The following PTPN11 variants were observed in gnomAD, a reference collection of about 807,000 sequenced individuals.
PTPN11 encodes protein tyrosine phosphatase non-receptor type 11.
Under a neutral mutation model 78.8 loss-of-function variants are expected in PTPN11, and 6 were observed. That is an observed-to-expected ratio of 0.08 (90% CI 0.04 to 0.15). PTPN11 has a LOEUF of 0.15. Ranked by LOEUF, PTPN11 falls within the 10% of genes least tolerant of loss-of-function variation. PTPN11 has a pLI of 1.00. For missense variants in PTPN11, 386 were observed against 744.8 expected (o/e 0.52, Z 5.61); for synonymous variants, 221 against 263.5 (o/e 0.84, Z 1.56).
intron 6 of PTPN11, among the ~76,000 whole-genome samples, chr12:112,468,079 C>T (rs2038357658): frequency 6.6e-6 from 1 of 152,178 alleles, no homozygotes; most frequent in South Asian, 2.1e-4. Flanking sequence ...CAGTTTGGTG[C>T]AAACCCTTTG....
intron 6 of PTPN11, among the ~76,000 whole-genome samples, chr12:112,466,627 C>G (rs933472017): frequency 3.3e-5 from 5 of 152,152 alleles, no homozygotes; most frequent in African/African-American, 1.2e-4. Context: ...GCTAGGATTA[C>G]AGGTGTGAGC....
chr12:112,427,076 T>C (rs2037628429), intron 1 of PTPN11, among the ~76,000 whole-genome samples: 1 of 152,002 alleles, frequency 6.6e-6, no homozygotes, highest in African/African-American at 2.4e-5. Flanking sequence ...TGAAACCCTG[T>C]CTCTACAGAA....
chr12:112,502,010 A>T, intron 13 of PTPN11, 134 bp from the exon 14 acceptor site: 1 of 703,692 alleles, frequency 1.4e-6, no homozygotes. Flanking sequence ...TCAATGTATC[A>T]GTATTCTCAA....
chr12:112,450,827 G>A (rs1475231526), intron 3 of PTPN11, among the ~76,000 whole-genome samples: 1 of 152,152 alleles, frequency 6.6e-6, no homozygotes, highest in Non-Finnish European at 1.5e-5. Context: ...AGAGTTATTA[G>A]AGGAAAACAA....
intron 10 of PTPN11, among the ~76,000 whole-genome samples, chr12:112,485,645 G>A (rs1024943944): frequency 6.6e-6 from 1 of 152,170 alleles, no homozygotes; most frequent in Admixed American, 6.5e-5. Context: ...AGCAAAGCCT[G>A]TTTTCTTATC....
intron 2 of PTPN11, 116 bp from the exon 3 acceptor site, chr12:112,450,202 G>C (rs1234114872): frequency 1.1e-6 from 1 of 930,452 alleles, no homozygotes; most frequent in Admixed American, 1.9e-5. Flanking sequence ...AGGTAAATTC[G>C]TTCCTTGGGT....
At chr12:112,476,540 G>A (rs1251384116) in intron 7 of PTPN11, among the ~76,000 whole-genome samples, 1 of 152,068 alleles carries the variant, frequency 6.6e-6, no homozygotes, top group Non-Finnish European at 1.5e-5. Flanking sequence ...AGGCTGAGGT[G>A]GGCAGATCAC....
At chr12:112,433,420 T>C (rs1289776723) in intron 1 of PTPN11, among the ~76,000 whole-genome samples, 1 of 152,224 alleles carries the variant, frequency 6.6e-6, no homozygotes, top group African/African-American at 2.4e-5. Flanking sequence ...GATGCATTTC[T>C]CAGAACATAT....
chr12:112,500,510 A>G lies in PTPN11; in HGVS notation c.1600-1634A>G, dbSNP rs374315636. Among the ~76,000 whole-genome samples the G allele has an allele frequency of 7.2e-5, 11 of 152,340 alleles. No homozygotes were observed. In the East Asian group the frequency reaches 1.2e-3, roughly 16 times the overall value. ...TGTTTTGCAGCTTCTTCCCTACACT[A>G]TAAGTTCTTACTGACTGCTTTATCA... On this transcript the variant is annotated intron_variant, in intron 13 of 15. Coordinates refer to ENST00000351677, the MANE Select transcript of PTPN11 (RefSeq NM_002834.5).
At chr12:112,489,279 G>C in intron 13 of PTPN11, 104 bp downstream of exon 13, 2 of 1,387,660 alleles carry the variant, frequency 1.4e-6, no homozygotes, top group South Asian at 2.3e-5. Flanking sequence ...ACAACTGTTT[G>C]ATTTCGGAAT....
At chr12:112,495,694 A>G (rs901828938) in intron 13 of PTPN11, among the ~76,000 whole-genome samples, 11 of 152,212 alleles carry the variant, frequency 7.2e-5, no homozygotes, top group African/African-American at 2.2e-4. Context: ...TAATGCATCT[A>G]AACTACTAAA....
At chr12:112,453,937 T>C (rs914538168) in intron 4 of PTPN11, among the ~76,000 whole-genome samples, 1 of 152,064 alleles carries the variant, frequency 6.6e-6, no homozygotes, top group Non-Finnish European at 1.5e-5. Context: ...TGTGAACTAC[T>C]GTGCCTGATC....
At chr12:112,494,372 T>A (rs1212984023) in intron 13 of PTPN11, among the ~76,000 whole-genome samples, 4 of 152,232 alleles carry the variant, frequency 2.6e-5, no homozygotes, top group Non-Finnish European at 5.9e-5. Flanking sequence ...CATCATTCCC[T>A]TTTCTGTTTT....
intron 13 of PTPN11, 95 bp from the exon 14 acceptor site, chr12:112,502,045 TCTCC>T (rs1267311344): frequency 7.7e-6 from 7 of 907,856 alleles, no homozygotes; most frequent in Non-Finnish European, 1.1e-5. Flanking sequence ...TTTTTTTCTT[TCTCC>T]CTCTTTTTTC....
intron 1 of PTPN11, among the ~76,000 whole-genome samples, chr12:112,421,474 T>A (rs1393087741): frequency 1.3e-5 from 2 of 152,180 alleles, no homozygotes; most frequent in Admixed American, 1.3e-4. Context: ...ATTTTATTTT[T>A]AAAAATTTTA....
chr12:112,459,167 C>T (rs1472013514), intron 6 of PTPN11, among the ~76,000 whole-genome samples: 1 of 152,192 alleles, frequency 6.6e-6, no homozygotes, highest in African/African-American at 2.4e-5. Context: ...TCATTACTTT[C>T]ACTTCATTTC....
chr12:112,472,177 A>C (rs765479913), intron 6 of PTPN11, among the ~76,000 whole-genome samples: 9 of 152,052 alleles, frequency 5.9e-5, no homozygotes, highest in Non-Finnish European at 8.8e-5. Flanking sequence ...TTTTTAAGAT[A>C]GCGTCTCATT....
chr12:112,425,924 C>T (rs555502372), intron 1 of PTPN11, among the ~76,000 whole-genome samples: 3 of 151,968 alleles, frequency 2.0e-5, no homozygotes, highest in East Asian at 1.9e-4. Flanking sequence ...GAGATGAGGT[C>T]GGAACTCCTG....
intron 2 of PTPN11, among the ~76,000 whole-genome samples, chr12:112,448,654 C>A (rs769938790): frequency 2.0e-5 from 3 of 152,024 alleles, no homozygotes; most frequent in Non-Finnish European, 2.9e-5. Flanking sequence ...TGATCTCTCT[C>A]ATCTTTTTAA....
Sources: gnomAD v4.1 joint callset for allele counts (sites outside exome capture counted in the v4.1 genomes callset) on GRCh38, gnomAD v4.1.1 for gene constraint, MANE v1.5 for transcripts, NCBI Gene and HGNC (gene_info 2026-07-23, HGNC 2026-07-21) for gene names.